The following NLRP7 variants were observed in gnomAD, a reference collection of about 807,000 sequenced individuals.
NLRP7 encodes NLR family pyrin domain containing 7.
In NLRP7, 72 loss-of-function variants were observed where a neutral mutation model predicts 85.5. That is an observed-to-expected ratio of 0.84 (90% confidence interval 0.70 to 1.02). The LOEUF (loss-of-function observed/expected upper bound fraction) is 1.02, where lower values mean the gene tolerates loss of function less well. Among genes scored for constraint, NLRP7 ranks in the 50% least tolerant of loss-of-function variants. The pLI is 0.00. For missense variants in NLRP7, 1,243 were observed against 1,219.5 expected, an observed-to-expected ratio of 1.02 and a Z score of -0.29; for synonymous variants, 550 against 505.2, an observed-to-expected ratio of 1.09 and a Z score of -1.19.
chr19:54,941,033 C>G (rs575269585), intron 2 of NLRP7, 28 bp from the exon 3 acceptor site: 2 of 1,481,082 alleles, frequency 1.4e-6, no homozygotes, highest in Non-Finnish European at 1.9e-6. Flanking sequence ...GTAAGCCTGA[C>G]ACAGTAATTT....
At chr19:54,944,801 C>T (rs139091642) in intron 1 of NLRP7, among the ~76,000 whole-genome samples, 8 of 152,054 alleles carry the variant, frequency 5.3e-5, no homozygotes, top group African/African-American at 1.7e-4. Context: ...ATATATACAA[C>T]GTTTACTTGT....
At chr19:54,952,438 C>CA (rs1286329457), upstream of NLRP7, among the ~76,000 whole-genome samples, 1 of 151,868 alleles carries the variant, frequency 6.6e-6, no homozygotes, top group Non-Finnish European at 1.5e-5. Context: ...ACTAAAAACA[C>CA]AAAAAATTAG....
chr19:54,939,524 C>A (rs148981739), exon 4 of NLRP7: 14 of 1,613,676 alleles, frequency 8.7e-6, no homozygotes, highest in Middle Eastern at 1.7e-4. Flanking sequence ...CAGGTCCTCT[C>A]GGTGGAACAC....
At chr19:54,944,329 A>G (rs2069372319) in intron 1 of NLRP7, among the ~76,000 whole-genome samples, 1 of 151,804 alleles carries the variant, frequency 6.6e-6, no homozygotes, top group South Asian at 2.1e-4. Context: ...TGCTGGCAGC[A>G]ATACTGCTCT....
rs2068935895 is a variant in NLRP7, at chr19:54,936,507, C to T, written c.2130-76G>A. 5 of 1,277,922 alleles carry T rather than the reference C, an allele frequency of 3.9e-6. No individual in the cohort carries two copies. The South Asian group carries it at 6.0e-5, about 15-fold the overall frequency. 79.2% of individuals were successfully genotyped at this position (1,277,922 alleles called of 1,614,324 possible). ...TGTGGAGGCATGTATAAACAAAAAG[C>T]TGTTTCACATTTAGAAATTATTAGA... On this transcript the variant is annotated intron_variant, in intron 5 of 9. Coordinates refer to ENST00000340844, the Ensembl canonical transcript of NLRP7.
upstream of NLRP7, chr19:54,947,973 T>G (rs2069548184): frequency 1.7e-5 from 4 of 235,924 alleles, no homozygotes; most frequent in South Asian, 2.0e-4. Flanking sequence ...TGGTGCCTCC[T>G]GCCTATAAAT....
chr19:54,944,200 AGAG>A (rs1322679824), intron 1 of NLRP7, among the ~76,000 whole-genome samples: 3 of 151,960 alleles, frequency 2.0e-5, no homozygotes, highest in East Asian at 3.9e-4. Context: ...TTTGCAGTTA[AGAG>A]GAAGGTATCT....
chr19:54,932,694 C>T (rs112331796), intron 8 of NLRP7, among the ~76,000 whole-genome samples: 21,153 of 151,816 alleles, frequency 0.14, 1,764 homozygotes, highest in Middle Eastern at 0.36. Flanking sequence ...CTCACTCTGT[C>T]GCCCGGGCTG....
exon 9 of NLRP7, chr19:54,930,654 G>A (rs372626501): frequency 1.9e-6 from 3 of 1,613,272 alleles, no homozygotes; most frequent in Non-Finnish European, 2.5e-6. Context: ...TGGTTATGCT[G>A]CATTGCTGTA....
exon 4 of NLRP7, chr19:54,939,894 G>A (rs557452774): frequency 1.1e-5 from 17 of 1,613,910 alleles, no homozygotes; most frequent in Non-Finnish European, 1.4e-5. Flanking sequence ...AGGAGCTGGA[G>A]GTCCCTCAGT....
chr19:54,964,449 C>G (rs1024988414), intron 1 of NLRP7, among the ~76,000 whole-genome samples: 1 of 151,452 alleles, frequency 6.6e-6, no homozygotes, highest in African/African-American at 2.4e-5. Context: ...ATCTCCTGAC[C>G]TCGTGATCCA....
intron 9 of NLRP7, among the ~76,000 whole-genome samples, chr19:54,927,252 G>C (rs1228833211): frequency 6.6e-6 from 1 of 151,566 alleles, no homozygotes; most frequent in Admixed American, 6.6e-5. Flanking sequence ...ATGGTGGCAG[G>C]CATCTGTAAT....
chr19:54,934,284 C>T lies in NLRP7; in HGVS notation c.2471+205G>A. Among the ~76,000 whole-genome samples the T allele has an allele frequency of 6.6e-6, 1 of 152,078 alleles. No homozygotes were observed. Among genetic ancestry groups the T allele is most frequent in the Non-Finnish European group, 1.5e-5 (1 of 68,012 alleles). ...TAGAAACAGGGTTTCACCATGTTGG[C>T]CAGGTTGGTCTCGAACTCCTGAACT... On this transcript the variant is annotated intron_variant, in intron 7 of 9. Transcript: ENST00000340844. This position sits in a 1 kb window ranked among gnomAD's most constrained non-coding sequence, Gnocchi z 6.7.
At position 54,933,538 on chromosome 19, in the gene NLRP7, G is replaced by GCA. The variant is rs112477133; in HGVS notation, c.2642+29_2642+30dup. The GCA allele has an allele frequency of 4.2e-4, 669 of 1,584,136 alleles. 2 individuals carry two copies. The South Asian group carries it at 5.2e-3, about 12-fold the overall frequency. ...ATGTCTCTCCTGCTTGAATTCATGT[G>GCA]CACACACACACACACCCAGCAGGGA... On this transcript the variant is annotated intron_variant, in intron 8 of 9. Transcript: ENST00000340844.
chr19:54,955,218 A>T (rs2069813083), intron 1 of NLRP7, among the ~76,000 whole-genome samples: 1 of 151,844 alleles, frequency 6.6e-6, no homozygotes, highest in Non-Finnish European at 1.5e-5. Flanking sequence ...AATCCCAGCT[A>T]CTCAGGAGGC....
intron 6 of NLRP7, among the ~76,000 whole-genome samples, chr19:54,935,641 G>A (rs150242936): frequency 4.5e-4 from 68 of 150,142 alleles, no homozygotes; most frequent in Middle Eastern, 6.9e-3. Flanking sequence ...TGCAGTGAAC[G>A]AGATCGCGCC....
In NLRP7 at chr19:54,942,024, C is replaced by T. The variant is rs548180210; in HGVS notation, c.-39-274G>A. 2.0e-3 allele frequency among the ~76,000 whole-genome samples: 306 copies of T among 151,926 alleles called. 2 individuals carry two copies. The highest frequency in any genetic ancestry group is 1.1e-3 in the Non-Finnish European group (76 of 67,956). Reference sequence around the variant, plus strand: ...ATCCCAGCACTTTGGGAGGCCGAGGCGGATGGATCACGATATCAGGAGATC... The same window carrying T: ...ATCCCAGCACTTTGGGAGGCCGAGGTGGATGGATCACGATATCAGGAGATC... On this transcript the variant is annotated intron_variant, in intron 1 of 9. Transcript: ENST00000340844.
intron 9 of NLRP7, 126 bp from the exon 11 acceptor site, chr19:54,923,998 T>A: frequency 9.9e-7 from 1 of 1,012,072 alleles, no homozygotes; most frequent in Non-Finnish European, 1.5e-6. Flanking sequence ...GACAGGGTCT[T>A]GCTCTGTTGC....
At chr19:54,949,661 G>A (rs11673713), upstream of NLRP7, among the ~76,000 whole-genome samples, 11,911 of 152,058 alleles carry the variant, frequency 0.078, 572 homozygotes, top group African/African-American at 0.13. Flanking sequence ...CAAAGAAACC[G>A]TCAGTGATTA....
Sources: gnomAD v4.1 joint callset for allele counts (sites outside exome capture counted in the v4.1 genomes callset) on GRCh38, gnomAD v4.1.1 for gene constraint, Gnocchi (gnomAD v3.1) non-coding constraint, MANE v1.5 for transcripts, NCBI Gene and HGNC (gene_info 2026-07-23, HGNC 2026-07-21) for gene names.